Variants in ATRNL1 observed in about 807,000 individuals in gnomAD.
The protein encoded by ATRNL1 is attractin like 1.
A neutral mutation model predicts 182.7 loss-of-function variants in ATRNL1; 95 were observed. That is an observed-to-expected ratio of 0.52 (90% CI 0.44 to 0.62). The LOEUF is 0.62. Ranked by LOEUF, ATRNL1 falls within the 20% of genes least tolerant of loss-of-function variation. The pLI, the probability that ATRNL1 is intolerant of heterozygous loss-of-function variation, is 0.00. For missense variants in ATRNL1, 1,471 were observed against 1,679.5 expected (o/e 0.88, Z 2.17); for synonymous variants, 576 against 568.3 (o/e 1.01, Z -0.19).
intron 19 of ATRNL1, among the ~76,000 whole-genome samples, chr10:115,389,541 TATA>T: frequency 1.4e-4 from 1 of 7,092 alleles, no homozygotes; most frequent in Non-Finnish European, 2.1e-4. Flanking sequence ...TGTGTATGTG[TATA>T]TATATATATA....
At chr10:115,729,318 C>A (rs1291869296) in intron 27 of ATRNL1, among the ~76,000 whole-genome samples, 1 of 149,674 alleles carries the variant, frequency 6.7e-6, no homozygotes, top group East Asian at 1.9e-4. Context: ...TTCTTTTAGT[C>A]CATATTTTCT....
chr10:115,552,974 G>A (rs1554995961), intron 26 of ATRNL1, among the ~76,000 whole-genome samples: 1 of 151,208 alleles, frequency 6.6e-6, no homozygotes, highest in Non-Finnish European at 1.5e-5. Flanking sequence ...GGCACATTCA[G>A]TTATAGTCAT....
chr10:115,261,963 G>A (rs759854958), intron 10 of ATRNL1, among the ~76,000 whole-genome samples: 60 of 152,164 alleles, frequency 3.9e-4, no homozygotes, highest in African/African-American at 2.4e-4. Flanking sequence ...GGAAATATGC[G>A]TGTGTAAGTC....
intron 5 of ATRNL1, among the ~76,000 whole-genome samples, chr10:115,130,122 C>T (rs563748196): frequency 6.6e-5 from 10 of 152,110 alleles, no homozygotes; most frequent in Admixed American, 2.0e-4. Context: ...AGAATGTTGG[C>T]TTATTTATCT....
At chr10:115,392,024 G>A (rs529357105) in intron 19 of ATRNL1, among the ~76,000 whole-genome samples, 5 of 152,036 alleles carry the variant, frequency 3.3e-5, no homozygotes, top group African/African-American at 4.8e-5. Context: ...GGTTACTTCT[G>A]GTGGGAAGAG....
chr10:115,944,870 T>C lies in ATRNL1; in HGVS notation c.*91T>C. ...TGGCCTTGGATTTTATGGAGGCAGA[T>C]CTCTGTATCATCCAGAGCCTGAGTA... On this transcript the variant is annotated 3_prime_UTR_variant, in exon 29 of 29. Transcript: ENST00000355044. 1 of 1,426,792 alleles carries C rather than the reference T, an allele frequency of 7.0e-7. No individual in the cohort carries two copies. Among genetic ancestry groups the C allele is most frequent in the Non-Finnish European group, 9.4e-7 (1 of 1,068,016 alleles). The allele number at this position is 1,426,792 out of a possible 1,614,324, so 88.4% of individuals were successfully genotyped here. A position where few individuals can be genotyped will look rare whatever the true frequency, so the allele number is the denominator to read the frequency against.
chr10:115,713,705 C>CTATCTATCTATCTATTATCT (rs1555055340), intron 26 of ATRNL1, among the ~76,000 whole-genome samples: 3 of 101,226 alleles, frequency 3.0e-5, no homozygotes, highest in African/African-American at 1.0e-4. Flanking sequence ...ATCTATCTAT[C>CTATCTATCTATCTATTATCT]ATCTATCTAT....
intron 14 of ATRNL1, among the ~76,000 whole-genome samples, chr10:115,282,855 C>T (rs1330820118): frequency 1.3e-5 from 2 of 151,070 alleles, no homozygotes; most frequent in African/African-American, 4.9e-5. Context: ...TTCTGGGGTA[C>T]TTGTGCAGAA....
chr10:115,159,156 TTA>T (rs1846660152), intron 5 of ATRNL1, among the ~76,000 whole-genome samples: 3 of 151,546 alleles, frequency 2.0e-5, no homozygotes, highest in African/African-American at 4.8e-5. Flanking sequence ...ATAAATTTAC[TTA>T]TATATAATTT....
chr10:115,734,060 C>T (rs939190917), intron 27 of ATRNL1, among the ~76,000 whole-genome samples: 4 of 152,106 alleles, frequency 2.6e-5, no homozygotes, highest in East Asian at 3.9e-4. Context: ...TTCAAAAATA[C>T]ATTTTAATTA....
At chr10:115,414,470 CTACT>C (rs1366014650) in intron 20 of ATRNL1, among the ~76,000 whole-genome samples, 1 of 150,530 alleles carries the variant, frequency 6.6e-6, no homozygotes, top group African/African-American at 2.5e-5. Flanking sequence ...GCTCTTATTT[CTACT>C]TACTTCTAAT....
intron 1 of ATRNL1, among the ~76,000 whole-genome samples, chr10:115,117,235 G>T (rs1424138179): frequency 6.6e-6 from 1 of 151,808 alleles, no homozygotes; most frequent in African/African-American, 2.4e-5. Context: ...TTTTAAAATG[G>T]ACAATTAAAT....
intron 28 of ATRNL1, among the ~76,000 whole-genome samples, chr10:115,938,189 A>G (rs1953620168): frequency 6.6e-6 from 1 of 152,238 alleles, no homozygotes; most frequent in African/African-American, 2.4e-5. Flanking sequence ...ATTGTTCTGC[A>G]TAATTGTAAA....
At chr10:115,854,041 A>G (rs1555101191) in intron 28 of ATRNL1, among the ~76,000 whole-genome samples, 1 of 152,234 alleles carries the variant, frequency 6.6e-6, no homozygotes, top group African/African-American at 2.4e-5. Context: ...GATATACTAT[A>G]GTGAACCAAA....
At chr10:115,904,592 GCT>G (rs1952446249) in intron 28 of ATRNL1, among the ~76,000 whole-genome samples, 1 of 152,170 alleles carries the variant, frequency 6.6e-6, no homozygotes, top group African/African-American at 2.4e-5. Flanking sequence ...TGTAGCCAAG[GCT>G]CAAAATCTAT....
intron 21 of ATRNL1, among the ~76,000 whole-genome samples, chr10:115,440,038 CTATT>C (rs1846593641): frequency 6.6e-6 from 1 of 151,712 alleles, no homozygotes; most frequent in Non-Finnish European, 1.5e-5. Context: ...TCATGGATAT[CTATT>C]TAATTTTATG....
At position 115,236,743 on chromosome 10, in the gene ATRNL1, G is replaced by C. The variant is rs1380188352; in HGVS notation, c.1533-4828G>C. On this transcript the variant is annotated intron_variant, in intron 9 of 28. Coordinates refer to ENST00000355044, the MANE Select transcript of ATRNL1 (RefSeq NM_207303.4). ...TTGTTACAGTCAGTGGGTCAATGTT[G>C]ATACATTACTCATTAACTAAGTCCA... 2.0e-5 allele frequency among the ~76,000 whole-genome samples: 3 copies of C among 152,132 alleles called. No homozygotes were observed. The East Asian group carries it at 5.8e-4, about 29-fold the overall frequency.
intron 13 of ATRNL1, among the ~76,000 whole-genome samples, chr10:115,271,155 A>G (rs1204767277): frequency 1.5e-5 from 2 of 135,186 alleles, no homozygotes; most frequent in East Asian, 2.0e-4. Context: ...AAGAAAGAAA[A>G]CAAAGATATT....
intron 26 of ATRNL1, among the ~76,000 whole-genome samples, chr10:115,589,471 T>G (rs1555011524): frequency 6.6e-6 from 1 of 152,160 alleles, no homozygotes; most frequent in African/African-American, 2.4e-5. Context: ...ATAGGAACTA[T>G]ATTTCAGTAT....
Sources: gnomAD v4.1 joint callset for allele counts (sites outside exome capture counted in the v4.1 genomes callset) on GRCh38, gnomAD v4.1.1 for gene constraint, MANE v1.5 for transcripts, NCBI Gene and HGNC (gene_info 2026-07-23, HGNC 2026-07-21) for gene names.